ZNF550: variants seen among roughly 807,000 people sequenced by gnomAD.
The protein encoded by ZNF550 is zinc finger protein 550.
In ZNF550, 42 loss-of-function variants were observed where a neutral mutation model predicts 40.2. The ratio of observed to expected loss-of-function variants is 1.05; its 90% CI spans 0.82 to 1.35. The LOEUF is 1.35. ZNF550 is among the 40% of genes most tolerant of loss of function. The pLI, the probability that ZNF550 is intolerant of heterozygous loss-of-function variation, is 0.00. For synonymous variants in ZNF550, 223 were observed against 198.6 expected (o/e 1.12, Z -1.03); for missense variants, 549 against 525.2 (o/e 1.05, Z -0.44).
chr19:57,543,545 C>G, intron 4 of ZNF550: 1 of 926,752 alleles, frequency 1.1e-6, no homozygotes, highest in Non-Finnish European at 1.3e-6. Flanking sequence ...CCCACCCCCA[C>G]AATCATTTCT....
chr19:57,556,182 C>T, intron 2 of ZNF550, 49 bp downstream of exon 2: 1 of 1,612,716 alleles, frequency 6.2e-7, no homozygotes, highest in Non-Finnish European at 8.5e-7. Flanking sequence ...TTTGCCTGGC[C>T]AAGAATCAGG....
chr19:57,561,256 TA>T (rs1182063628), upstream of ZNF550, among the ~76,000 whole-genome samples: 1 of 152,234 alleles, frequency 6.6e-6, no homozygotes, highest in Non-Finnish European at 1.5e-5. The surrounding 1 kb of genome is among the most constrained non-coding windows in gnomAD (Gnocchi z 4.9). Flanking sequence ...CTTCTTGAAG[TA>T]TAATTCCCAA....
chr19:57,543,309 C>T (rs991739206), intron 4 of ZNF550: 10 of 525,144 alleles, frequency 1.9e-5, no homozygotes, highest in Non-Finnish European at 2.4e-5. Context: ...TTAAAGTGAA[C>T]TCTGACATTC....
exon 4 of ZNF550, chr19:57,547,277 C>T (rs775955668): frequency 4.3e-6 from 7 of 1,613,884 alleles, no homozygotes; most frequent in African/African-American, 1.3e-5. Flanking sequence ...TTGCTAAAGG[C>T]TTTCTCACAT....
At chr19:57,551,844 G>A (rs1161476646) in intron 3 of ZNF550, among the ~76,000 whole-genome samples, 2 of 152,212 alleles carry the variant, frequency 1.3e-5, no homozygotes, top group African/African-American at 2.4e-5. Flanking sequence ...TGTCACCTTG[G>A]TGTTTCTCAG....
At chr19:57,556,407 G>A in intron 1 of ZNF550, 50 bp from the exon 2 acceptor site, 1 of 1,575,012 alleles carries the variant, frequency 6.3e-7, no homozygotes, top group Non-Finnish European at 8.6e-7. Context: ...TGTCGCATAG[G>A]ATCAGAACCT....
chr19:57,556,036 G>A (rs1234573829), intron 2 of ZNF550, 195 bp downstream of exon 2: 2 of 612,974 alleles, frequency 3.3e-6, no homozygotes, highest in East Asian at 3.2e-5. Flanking sequence ...AATGGGCTGA[G>A]CACTGGAGTG....
exon 4 of ZNF550, chr19:57,547,146 A>G (rs778192065): frequency 3.7e-6 from 6 of 1,611,184 alleles, no homozygotes; most frequent in Admixed American, 1.7e-5. Context: ...GCTTCTCCCC[A>G]GTGTGAATCC....
chr19:57,556,971 C>T (rs910893501), intron 1 of ZNF550: 2 of 152,556 alleles, frequency 1.3e-5, no homozygotes, highest in African/African-American at 4.8e-5. Flanking sequence ...GCCATTCTCC[C>T]GTCTCGGGTA....
intron 1 of ZNF550, among the ~76,000 whole-genome samples, chr19:57,559,379 CGAG>C (rs1040660596): frequency 2.7e-4 from 41 of 152,172 alleles, no homozygotes; most frequent in Admixed American, 2.6e-4. Context: ...GGAAGAGCCA[CGAG>C]GAGGACTGCG....
chr19:57,553,790 A>T (rs1426369707), intron 2 of ZNF550: 2 of 152,140 alleles, frequency 1.3e-5, no homozygotes, highest in East Asian at 3.9e-4. Context: ...CCAACCTCAA[A>T]CCAAATGAAA....
At chr19:57,559,066 G>C (rs2090146640) in intron 1 of ZNF550, among the ~76,000 whole-genome samples, 1 of 152,106 alleles carries the variant, frequency 6.6e-6, no homozygotes, top group Non-Finnish European at 1.5e-5. Flanking sequence ...TCTTTCAGCC[G>C]CTGCCCTTCG....
At chr19:57,559,421 G>A (rs2090150498) in intron 1 of ZNF550, among the ~76,000 whole-genome samples, 1 of 152,174 alleles carries the variant, frequency 6.6e-6, no homozygotes, top group African/African-American at 2.4e-5. Flanking sequence ...GAGGGGTTCC[G>A]GGACCCTAAA....
chr19:57,559,569 G>A (rs1010730063), intron 1 of ZNF550, 87 bp downstream of exon 1: 3 of 1,348,176 alleles, frequency 2.2e-6, no homozygotes, highest in Non-Finnish European at 2.0e-6. Context: ...ACTGCACTGA[G>A]GACGACCCTG....
At chr19:57,543,702 G>A (rs1487359867) in intron 4 of ZNF550, 3 of 843,022 alleles carry the variant, frequency 3.6e-6, no homozygotes, top group African/African-American at 3.7e-5. Flanking sequence ...TTGGGAGGCA[G>A]AGGCGGGTGG....
chr19:57,548,928 A>G (rs2090048597), intron 3 of ZNF550, among the ~76,000 whole-genome samples: 1 of 152,150 alleles, frequency 6.6e-6, no homozygotes, highest in Admixed American at 6.5e-5. Flanking sequence ...TTGCAACAAC[A>G]GGGATGGAAC....
chr19:57,550,918 G>C (rs2090066911), intron 3 of ZNF550, among the ~76,000 whole-genome samples: 1 of 152,196 alleles, frequency 6.6e-6, no homozygotes, highest in African/African-American at 2.4e-5. Context: ...GGGTATTGTA[G>C]GTGAAAAAGC....
chr19:57,556,407 G>T, intron 1 of ZNF550, 50 bp from the exon 2 acceptor site: 1 of 1,575,012 alleles, frequency 6.3e-7, no homozygotes, highest in Non-Finnish European at 8.6e-7. Context: ...TGTCGCATAG[G>T]ATCAGAACCT....
rs779298354 is a variant in ZNF550 at position 57,559,653 on chromosome 19, C to T, written c.27+3G>A. 6 of 1,507,376 alleles carry T rather than the reference C, an allele frequency of 4.0e-6. No homozygotes were observed. The South Asian group carries it at 7.3e-5, about 18-fold the overall frequency. The allele number at this position is 1,507,376 out of a possible 1,614,324, so 93.4% of individuals were successfully genotyped here. On this transcript the variant is annotated splice_donor_region_variant and intron_variant, in intron 1 of 4. Coordinates refer to ENST00000457177, the Ensembl canonical transcript of ZNF550. Reference sequence around the variant, plus strand: ...CCGCGGGGAGCCGAGCCAGTCTGCTCACCTGCGCTGCGTCCTTCGTCTCCG... The same window carrying T: ...CCGCGGGGAGCCGAGCCAGTCTGCTTACCTGCGCTGCGTCCTTCGTCTCCG...
Sources: allele counts gnomAD v4.1 joint callset (sites outside exome capture counted in the v4.1 genomes callset), GRCh38; gene constraint gnomAD v4.1.1; non-coding constraint Gnocchi (gnomAD v3.1); transcripts MANE v1.5; gene names NCBI Gene and HGNC (gene_info 2026-07-23, HGNC 2026-07-21).